The following SENP7 variants were observed in gnomAD, a reference collection of about 807,000 sequenced individuals.
SENP7 encodes sentrin-specific protease 7.
A neutral mutation model predicts 141.2 loss-of-function variants in SENP7; 64 were observed. The observed-to-expected ratio is 0.45, with a 90% confidence interval of 0.37 to 0.56. The LOEUF is 0.56. Among genes scored for constraint, SENP7 ranks in the 20% least tolerant of loss-of-function variants. The pLI, the probability that SENP7 is intolerant of heterozygous loss-of-function variation, is 0.00. For synonymous variants in SENP7, 382 were observed against 426.4 expected, an observed-to-expected ratio of 0.90 and a Z score of 1.28; for missense variants, 1,025 against 1,212.2, an observed-to-expected ratio of 0.85 and a Z score of 2.29.
chr3:101,452,470 C>T (rs1379041304), intron 4 of SENP7, among the ~76,000 whole-genome samples: 1 of 152,134 alleles, frequency 6.6e-6, no homozygotes, highest in African/African-American at 2.4e-5. Flanking sequence ...AACTATACTA[C>T]AAGGCTACAG....
Position 101,326,098 on chromosome 3 carries a change from A to AG in SENP7, c.3016-19dup. 1 of 1,560,686 alleles carries AG rather than the reference A, an allele frequency of 6.4e-7. No homozygotes were observed. The highest frequency in any genetic ancestry group is 8.7e-7 in the Non-Finnish European group (1 of 1,155,170). On this transcript the variant is annotated intron_variant, in intron 23 of 23. Transcript: ENST00000394095. ...ATAGGATCCTAATGAGAGGAAAAAA[A>AG]GAGTGTAATCACTTTAGCAGCATAA... is the stretch of plus-strand genomic sequence containing the variant.
chr3:101,471,675 C>T (rs550518380), intron 3 of SENP7, among the ~76,000 whole-genome samples: 109 of 152,198 alleles, frequency 7.2e-4, no homozygotes, highest in African/African-American at 2.3e-3. Context: ...ACTAAAGAGC[C>T]TCTGCATGGC....
chr3:101,510,656 C>T (rs1025764966), intron 1 of SENP7, among the ~76,000 whole-genome samples: 1 of 151,922 alleles, frequency 6.6e-6, no homozygotes, highest in African/African-American at 2.4e-5. Context: ...AGTTTGAGAC[C>T]AGCCTGGCCA....
At chr3:101,459,242 A>G (rs1020910503) in intron 3 of SENP7, among the ~76,000 whole-genome samples, 190 bp from the exon 4 acceptor site, 1 of 152,198 alleles carries the variant, frequency 6.6e-6, no homozygotes, top group African/African-American at 2.4e-5. Flanking sequence ...ACCAAAAAAT[A>G]CTAGGAAGAC....
chr3:101,487,483 TTTTG>T (rs201340312), intron 3 of SENP7, among the ~76,000 whole-genome samples: 2,131 of 152,290 alleles, frequency 0.014, 51 homozygotes, highest in African/African-American at 0.049. Flanking sequence ...CATTTGTCAA[TTTTG>T]TTTTTGTTGC....
chr3:101,456,909 G>T (rs1273873360), intron 4 of SENP7, among the ~76,000 whole-genome samples: 1 of 151,514 alleles, frequency 6.6e-6, no homozygotes, highest in Non-Finnish European at 1.5e-5. Context: ...CTACAGGTGT[G>T]AGCCACTGCG....
intron 1 of SENP7, among the ~76,000 whole-genome samples, chr3:101,502,831 A>T (rs1408217886): frequency 6.6e-6 from 1 of 151,430 alleles, no homozygotes; most frequent in Admixed American, 6.6e-5. Context: ...TGGAAGGATC[A>T]CTCGAGCCTG....
chr3:101,328,748 C>A, intron 20 of SENP7, 59 bp from the exon 21 acceptor site: 1 of 1,281,358 alleles, frequency 7.8e-7, no homozygotes, highest in Non-Finnish European at 1.1e-6. Flanking sequence ...ATTTACTATT[C>A]AGTTACTCCT....
intron 8 of SENP7, 83 bp downstream of exon 8, chr3:101,367,747 G>A: frequency 1.2e-6 from 1 of 840,604 alleles, no homozygotes; most frequent in Non-Finnish European, 1.8e-6. Flanking sequence ...CTGAAAGCTA[G>A]AGGAACATTA....
In SENP7 at chr3:101,350,393, C is replaced by T. The variant is rs190624196; in HGVS notation, c.1657+1225G>A. Among the ~76,000 whole-genome samples the T allele has an allele frequency of 1.9e-3, 282 of 151,982 alleles. 2 individuals are homozygous for T. Among genetic ancestry groups the T allele is most frequent in the Middle Eastern group, 6.8e-3 (2 of 294 alleles). On this transcript the variant is annotated intron_variant, in intron 12 of 23. Coordinates refer to ENST00000394095, the MANE Select transcript of SENP7 (RefSeq NM_020654.5). ...ACAGAAAAAGTGGAAACATTTAGAC[C>T]CTCAGGTTCCCACCTACAAAAACCT...
intron 6 of SENP7, among the ~76,000 whole-genome samples, chr3:101,386,671 C>T (rs188603175): frequency 3.3e-5 from 5 of 152,178 alleles, no homozygotes; most frequent in Admixed American, 2.0e-4. Flanking sequence ...CAGTATCCTG[C>T]GTGCCAGAAA....
At chr3:101,412,820 T>G (rs1440047325) in intron 5 of SENP7, among the ~76,000 whole-genome samples, 1 of 152,134 alleles carries the variant, frequency 6.6e-6, no homozygotes, top group Non-Finnish European at 1.5e-5. Flanking sequence ...ATATGAACCA[T>G]ACATGGAGAT....
chr3:101,379,062 A>T (rs190978060), intron 6 of SENP7, among the ~76,000 whole-genome samples: 2 of 152,292 alleles, frequency 1.3e-5, no homozygotes, highest in Admixed American at 1.3e-4. Flanking sequence ...CAGAATAGAG[A>T]TCCCAGAAAT....
At chr3:101,406,486 G>T (rs1192162999) in intron 5 of SENP7, among the ~76,000 whole-genome samples, 1 of 151,770 alleles carries the variant, frequency 6.6e-6, no homozygotes, top group African/African-American at 2.4e-5. Flanking sequence ...TAATGTAAAT[G>T]ACGAGTTAAT....
Position 101,361,781 on chromosome 3 carries a change from T to G in SENP7, c.1557A>C (p.Gln519His). 6.2e-7 allele frequency: 1 copy of G among 1,608,746 alleles called. No individual in the cohort carries two copies. Among genetic ancestry groups the G allele is most frequent in the Non-Finnish European group, 8.5e-7 (1 of 1,178,124 alleles). ...SIMPSNEMDL[Q>H]LDFIFTSVYI... Reference sequence around the variant, plus strand: ...AAACAGAAGTAAATATAAAATCCAGTTGTAGATCCATCTCATTACTAGGCA... The same window carrying G: ...AAACAGAAGTAAATATAAAATCCAGGTGTAGATCCATCTCATTACTAGGCA... The change falls in exon 11 of 24, where the codon CAA becomes CAC. Residue 519 changes from glutamine (Q) to histidine (H), a missense_variant. Gln to His is a conservative substitution (Grantham distance 24, BLOSUM62 0). Transcript: ENST00000394095.
chr3:101,354,688 A>G (rs1374291086), intron 11 of SENP7, among the ~76,000 whole-genome samples: 1 of 152,096 alleles, frequency 6.6e-6, no homozygotes, highest in African/African-American at 2.4e-5. Flanking sequence ...TATTATGAAT[A>G]GTGCTGCAAT....
chr3:101,424,644 C>T lies in SENP7; in HGVS notation c.285-6854G>A, dbSNP rs540869552. 3.3e-5 allele frequency among the ~76,000 whole-genome samples: 5 copies of T among 152,230 alleles called. 1 individual carries two copies. Among genetic ancestry groups the T allele is most frequent in the Admixed American group, 3.3e-4 (5 of 15,296 alleles). On this transcript the variant is annotated intron_variant, in intron 4 of 23. Coordinates refer to ENST00000394095, the MANE Select transcript of SENP7 (RefSeq NM_020654.5). The stretch of plus-strand genomic sequence containing the variant: ...GCACAAAGACCTGTACCCACCAGTA[C>T]CACCACACCCGTGCCAACATCACCA...
chr3:101,458,976 G>A lies in SENP7; in HGVS notation c.263C>T (p.Thr88Ile), dbSNP rs767091461. The part of the protein sequence containing the change: ...NKKHIRGCPV[T>I]SKSSPERQLK... ...TTACCTTTCTGGTGATGACTTGGAAGTAACAGGACACCCTCGGATATGTTT... is the reference window on the plus strand; with the variant it reads ...TTACCTTTCTGGTGATGACTTGGAAATAACAGGACACCCTCGGATATGTTT... The change falls in exon 4 of 24, where the codon ACT becomes ATT. Residue 88 changes from threonine to isoleucine, a missense_variant. Thr to Ile is a moderately conservative substitution (Grantham distance 89). Around this residue, in one of 4 missense-constraint regions of SENP7, gnomAD observed 496 missense variants for 503.5 expected, o/e 0.99. Transcript: ENST00000394095. 14 of 1,607,016 alleles carry A rather than the reference G, an allele frequency of 8.7e-6. No individual in the cohort carries two copies. The highest frequency in any genetic ancestry group is 1.2e-5 in the Non-Finnish European group (14 of 1,174,526).
intron 4 of SENP7, among the ~76,000 whole-genome samples, chr3:101,446,277 C>T (rs1470569426): frequency 1.3e-5 from 2 of 152,168 alleles, no homozygotes; most frequent in Non-Finnish European, 2.9e-5. Flanking sequence ...GCCAATTAAA[C>T]CTCCTTTCTT....
Sources: allele counts gnomAD v4.1 joint callset (sites outside exome capture counted in the v4.1 genomes callset), GRCh38; gene constraint gnomAD v4.1.1; regional missense constraint gnomAD v4.1.1; transcripts MANE v1.5; gene names NCBI Gene and HGNC (gene_info 2026-07-23, HGNC 2026-07-21).